ITCH: variants seen among roughly 807,000 people sequenced by gnomAD.
ITCH encodes the protein itchy E3 ubiquitin protein ligase.
ITCH carries 28 observed loss-of-function variants against 126.8 expected under a neutral mutation model. The ratio of observed to expected loss-of-function variants is 0.22; its 90% CI spans 0.16 to 0.30. The LOEUF (loss-of-function observed/expected upper bound fraction) is 0.30. Among genes scored for constraint, ITCH ranks in the 10% least tolerant of loss-of-function variants. The probability of loss-of-function intolerance (pLI) is 1.00; values close to 1 mark genes in which losing one functional copy is unlikely to be tolerated. For missense variants in ITCH, 631 were observed against 1,032.4 expected (o/e 0.61, Z 5.33); for synonymous variants, 342 against 340.0 (o/e 1.01, Z -0.06).
intron 2 of ITCH, among the ~76,000 whole-genome samples, chr20:34,379,371 T>G (rs1221927028): frequency 6.6e-6 from 1 of 152,160 alleles, no homozygotes; most frequent in Non-Finnish European, 1.5e-5. Flanking sequence ...TTGTTAAGTC[T>G]TCAGTTCAGT....
intron 23 of ITCH, among the ~76,000 whole-genome samples, chr20:34,501,380 A>G (rs886564139): frequency 3.3e-4 from 50 of 152,180 alleles, no homozygotes; most frequent in African/African-American, 1.1e-3. Flanking sequence ...ATACATGTCT[A>G]TTTGGGGACA....
intron 2 of ITCH, among the ~76,000 whole-genome samples, chr20:34,383,672 GAT>G (rs111289969): frequency 6.6e-6 from 1 of 151,030 alleles, no homozygotes; most frequent in African/African-American, 2.4e-5. Flanking sequence ...GTGCCTGGCT[GAT>G]ATATATATGT....
At chr20:34,447,178 T>C (rs893144386) in intron 11 of ITCH, among the ~76,000 whole-genome samples, 1 of 152,030 alleles carries the variant, frequency 6.6e-6, no homozygotes, top group Non-Finnish European at 1.5e-5. Flanking sequence ...TTGGAATTTT[T>C]TTTTTTTTTT....
chr20:34,395,916 T>C (rs2038657537), intron 3 of ITCH, among the ~76,000 whole-genome samples: 1 of 152,116 alleles, frequency 6.6e-6, no homozygotes, highest in Admixed American at 6.6e-5. Context: ...TGTGTACAAG[T>C]TTTTGTGAGA....
At chr20:34,441,011 C>A (rs1276198241) in intron 9 of ITCH, among the ~76,000 whole-genome samples, 1 of 152,026 alleles carries the variant, frequency 6.6e-6, no homozygotes, top group Non-Finnish European at 1.5e-5. Flanking sequence ...TGGCTCACGC[C>A]TGTAATACCA....
intron 7 of ITCH, among the ~76,000 whole-genome samples, chr20:34,437,162 GGA>G (rs954273996): frequency 1.3e-5 from 2 of 151,934 alleles, no homozygotes; most frequent in African/African-American, 2.4e-5. Flanking sequence ...AACTATGTGA[GGA>G]GAGAGAGATG....
chr20:34,471,275 G>A (rs1987596647), intron 15 of ITCH, among the ~76,000 whole-genome samples, 169 bp from the exon 16 acceptor site: 1 of 151,506 alleles, frequency 6.6e-6, no homozygotes, highest in Non-Finnish European at 1.5e-5. Context: ...TCTGTAATTA[G>A]CATGAATACT....
chr20:34,490,338 G>A (rs1989422006), intron 22 of ITCH, among the ~76,000 whole-genome samples: 1 of 152,176 alleles, frequency 6.6e-6, no homozygotes, highest in African/African-American at 2.4e-5. Flanking sequence ...CATGGTATAT[G>A]ATGTTCAACA....
chr20:34,441,100 A>T (rs56407288), intron 9 of ITCH, among the ~76,000 whole-genome samples: 2 of 151,796 alleles, frequency 1.3e-5, no homozygotes, highest in African/African-American at 2.4e-5. Context: ...CTGAAACCCC[A>T]TCTCTACTAA....
intron 3 of ITCH, among the ~76,000 whole-genome samples, chr20:34,396,038 T>A (rs117961323): frequency 0.2 from 28,940 of 145,914 alleles, 3,602 homozygotes; most frequent in African/African-American, 0.37. Flanking sequence ...TATTATTATT[T>A]TTTTTTTTTT....
intron 20 of ITCH, among the ~76,000 whole-genome samples, chr20:34,485,154 C>A (rs1989016829): frequency 6.6e-6 from 1 of 152,016 alleles, no homozygotes; most frequent in Non-Finnish European, 1.5e-5. Context: ...GAGAAATATT[C>A]CATGCTGTGT....
chr20:34,457,345 C>A, intron 12 of ITCH, 45 bp from the exon 13 acceptor site: 1 of 1,219,612 alleles, frequency 8.2e-7, no homozygotes, highest in Non-Finnish European at 1.2e-6. Context: ...GAAGACTATG[C>A]CAATGCTAAT....
chr20:34,411,957 G>A (rs1979099883), intron 4 of ITCH, among the ~76,000 whole-genome samples: 1 of 152,170 alleles, frequency 6.6e-6, no homozygotes, highest in East Asian at 1.9e-4. Flanking sequence ...TGTATGTAAT[G>A]TAATCTTCAA....
chr20:34,483,475 A>T (rs549686511), intron 20 of ITCH, among the ~76,000 whole-genome samples: 1 of 152,318 alleles, frequency 6.6e-6, no homozygotes, highest in African/African-American at 2.4e-5. Flanking sequence ...TCTCTCAAGT[A>T]CAAATCCACC....
At chr20:34,461,648 GC>G (rs1986514406) in intron 13 of ITCH, among the ~76,000 whole-genome samples, 2 of 145,926 alleles carry the variant, frequency 1.4e-5, no homozygotes, top group Admixed American at 7.1e-5. Context: ...GGTGGAGGTT[GC>G]AGTGAGCCAA....
chr20:34,387,260 G>A (rs529877219), intron 2 of ITCH, among the ~76,000 whole-genome samples: 2 of 150,208 alleles, frequency 1.3e-5, no homozygotes, highest in Non-Finnish European at 3.0e-5. Flanking sequence ...GGGAGATTGC[G>A]CCCCTGCACT....
intron 3 of ITCH, among the ~76,000 whole-genome samples, chr20:34,398,066 G>C (rs1044789415): frequency 2.7e-5 from 4 of 150,694 alleles, no homozygotes; most frequent in African/African-American, 4.9e-5. Flanking sequence ...AGCCATCTCA[G>C]ATTTTTTTCT....
At chr20:34,422,702 G>A (rs1435341657) in intron 6 of ITCH, among the ~76,000 whole-genome samples, 1 of 151,882 alleles carries the variant, frequency 6.6e-6, no homozygotes, top group African/African-American at 2.4e-5. Flanking sequence ...TGTAATTTAG[G>A]TTTAAAACAT....
intron 22 of ITCH, among the ~76,000 whole-genome samples, chr20:34,491,182 C>T (rs1989483257): frequency 6.6e-6 from 1 of 152,156 alleles, no homozygotes; most frequent in Admixed American, 6.5e-5. Flanking sequence ...AAGCCAGGGA[C>T]TGTCTGTGTT....
Sources: allele counts gnomAD v4.1 joint callset (sites outside exome capture counted in the v4.1 genomes callset), GRCh38; gene constraint gnomAD v4.1.1; transcripts MANE v1.5; gene names NCBI Gene and HGNC (gene_info 2026-07-23, HGNC 2026-07-21).